Variants in CNBD1 observed in about 807,000 individuals in gnomAD.
CNBD1 encodes the protein cyclic nucleotide-binding domain-containing protein 1.
A neutral mutation model predicts 54.4 loss-of-function variants in CNBD1; 71 were observed. That is an observed-to-expected ratio of 1.30 (90% confidence interval 1.08 to 1.59). The LOEUF (loss-of-function observed/expected upper bound fraction) is 1.59. Among genes scored for constraint, CNBD1 ranks in the 40% most tolerant of loss-of-function variants. The pLI, the probability that CNBD1 is intolerant of heterozygous loss-of-function variation, is 0.00. For missense variants in CNBD1, 659 were observed against 518.0 expected (o/e 1.27, Z -2.64); for synonymous variants, 182 against 170.7 (o/e 1.07, Z -0.51).
At chr8:87,118,859 T>C (rs1256937426) in intron 4 of CNBD1, among the ~76,000 whole-genome samples, 1 of 152,208 alleles carries the variant, frequency 6.6e-6, no homozygotes, top group African/African-American at 2.4e-5. Context: ...CCCTACATAT[T>C]TTTCTTTATA....
intron 6 of CNBD1, among the ~76,000 whole-genome samples, chr8:87,241,732 A>C (rs1167925449): frequency 1.3e-5 from 2 of 152,176 alleles, no homozygotes; most frequent in Non-Finnish European, 2.9e-5. Context: ...CTATGTAAAA[A>C]AATAGTTTAA....
chr8:87,281,571 TA>T, intron 6 of CNBD1, among the ~76,000 whole-genome samples: 1 of 49,140 alleles, frequency 2.0e-5, no homozygotes, highest in Non-Finnish European at 4.6e-5. Context: ...TATATATATA[TA>T]TATATATATA....
intron 4 of CNBD1, among the ~76,000 whole-genome samples, chr8:87,132,307 T>G (rs1812135104): frequency 6.6e-6 from 1 of 151,806 alleles, no homozygotes; most frequent in Non-Finnish European, 1.5e-5. Context: ...CATTACTAAT[T>G]GTGTTAACAT....
intron 10 of CNBD1, among the ~76,000 whole-genome samples, chr8:87,354,996 A>G (rs1276961850): frequency 6.6e-6 from 1 of 152,202 alleles, no homozygotes; most frequent in East Asian, 1.9e-4. Context: ...ACCAGTTAAA[A>G]TGGCGATCAT....
chr8:87,205,267 C>A (rs1352432717), intron 4 of CNBD1, among the ~76,000 whole-genome samples: 1 of 152,086 alleles, frequency 6.6e-6, no homozygotes. Context: ...CTCCTGACCT[C>A]GTGATCCACC....
At chr8:87,303,705 C>G (rs1409062457) in intron 8 of CNBD1, among the ~76,000 whole-genome samples, 1 of 149,278 alleles carries the variant, frequency 6.7e-6, no homozygotes, top group Admixed American at 6.7e-5. Context: ...AGGCAACCTA[C>G]AGAATGGGAG....
chr8:87,117,306 C>T lies in CNBD1; in HGVS notation c.432-88687C>T, dbSNP rs138302764. 4.7e-5 allele frequency among the ~76,000 whole-genome samples: 7 copies of T among 148,978 alleles called. No individual in the cohort carries two copies. In the East Asian group the frequency reaches 5.9e-4, roughly 13 times the overall value. ...CCCAGCTACTCAGGAGGCTGAGGGA[C>T]GAGAATTGCTTAAACCCAGGAGGCA... On this transcript the variant is annotated intron_variant, in intron 4 of 10. Transcript: ENST00000518476.
At chr8:86,950,805 T>C (rs1807599444) in intron 4 of CNBD1, among the ~76,000 whole-genome samples, 1 of 152,196 alleles carries the variant, frequency 6.6e-6, no homozygotes, top group South Asian at 2.1e-4. Context: ...TTATTACAGA[T>C]TTGATCTTTT....
At chr8:87,010,835 T>C (rs751092537) in intron 4 of CNBD1, among the ~76,000 whole-genome samples, 4 of 152,212 alleles carry the variant, frequency 2.6e-5, no homozygotes, top group Non-Finnish European at 5.9e-5. Context: ...TTTTTTTAAA[T>C]TGATATCTGA....
chr8:87,051,924 A>G (rs1312890873), intron 4 of CNBD1, among the ~76,000 whole-genome samples: 1 of 152,136 alleles, frequency 6.6e-6, no homozygotes, highest in African/African-American at 2.4e-5. Flanking sequence ...GTCCTGCTGG[A>G]CCATCTGTGA....
At chr8:87,098,222 C>T (rs543064637) in intron 4 of CNBD1, among the ~76,000 whole-genome samples, 1 of 152,256 alleles carries the variant, frequency 6.6e-6, no homozygotes, top group Admixed American at 6.5e-5. Context: ...ACAAGTAAGT[C>T]TGAGTTTACT....
intron 6 of CNBD1, among the ~76,000 whole-genome samples, chr8:87,276,747 G>A (rs1225898237): frequency 6.6e-6 from 1 of 151,792 alleles, no homozygotes; most frequent in African/African-American, 2.4e-5. Flanking sequence ...CAAGAAAGAA[G>A]GGAAATACAT....
At chr8:87,119,997 T>C (rs1305347927) in intron 4 of CNBD1, among the ~76,000 whole-genome samples, 1 of 152,120 alleles carries the variant, frequency 6.6e-6, no homozygotes, top group Admixed American at 6.6e-5. Context: ...TTGAGAATCT[T>C]TGTGTTTAAG....
chr8:87,281,844 C>G (rs2130867490), intron 6 of CNBD1, among the ~76,000 whole-genome samples: 1 of 151,048 alleles, frequency 6.6e-6, no homozygotes, highest in Middle Eastern at 3.4e-3. Flanking sequence ...TATTTTCAAT[C>G]TGGTGGATAA....
At chr8:87,345,799 T>C (rs1222782373) in intron 8 of CNBD1, among the ~76,000 whole-genome samples, 3 of 152,140 alleles carry the variant, frequency 2.0e-5, no homozygotes, top group Non-Finnish European at 4.4e-5. Flanking sequence ...CAACAGAGTA[T>C]CAATAAAAAT....
intron 4 of CNBD1, among the ~76,000 whole-genome samples, chr8:87,122,970 T>C (rs1329896951): frequency 1.3e-5 from 2 of 151,896 alleles, no homozygotes; most frequent in Non-Finnish European, 3.0e-5. Context: ...TTTTCAAATC[T>C]AGTAATGTGA....
chr8:87,421,372 C>T (rs1236065369), intron 2 of CNBD1, among the ~76,000 whole-genome samples: 1 of 151,034 alleles, frequency 6.6e-6, no homozygotes, highest in Non-Finnish European at 1.5e-5. Context: ...GTGCTGCACC[C>T]ACTAACTCGT....
Position 87,353,786 on chromosome 8 carries a change from G to T in CNBD1, c.1303G>T (p.Val435Leu), listed in dbSNP as rs1213477796. ...MAIIEDKDLF[V>L]A ...AATCATTGAAGATAAGGACCTATTT[G>T]GTAAATGCATAAATATCTTTTAACT... Residue 435 changes from valine to leucine, a missense_variant and splice_region_variant, in exon 10 of 11, where the codon GTG (valine) becomes TTG (leucine). Coordinates refer to ENST00000518476, the MANE Select transcript of CNBD1 (RefSeq NM_173538.3). 4.4e-6 allele frequency: 7 copies of T among 1,592,922 alleles called. No homozygotes were observed. The East Asian group carries it at 1.6e-4, about 36-fold the overall frequency.
intron 4 of CNBD1, among the ~76,000 whole-genome samples, chr8:87,091,748 C>T (rs1811206391): frequency 6.6e-6 from 1 of 152,058 alleles, no homozygotes; most frequent in Admixed American, 6.5e-5. Context: ...GTTATGACTC[C>T]AGATCCTGTA....
Sources: allele counts gnomAD v4.1 joint callset (sites outside exome capture counted in the v4.1 genomes callset), GRCh38; gene constraint gnomAD v4.1.1; transcripts MANE v1.5; gene names NCBI Gene and HGNC (gene_info 2026-07-23, HGNC 2026-07-21).